LRIG1: variants seen among roughly 807,000 people sequenced by gnomAD.
LRIG1 encodes leucine-rich repeats and immunoglobulin-like domains protein 1.
A neutral mutation model predicts 99.2 loss-of-function variants in LRIG1; 48 were observed. The observed-to-expected ratio is 0.48, with a 90% confidence interval of 0.38 to 0.62. LRIG1 has a LOEUF of 0.62. Ranked by LOEUF, LRIG1 falls within the 20% of genes least tolerant of loss-of-function variation. The pLI, the probability that LRIG1 is intolerant of heterozygous loss-of-function variation, is 0.00. For missense variants in LRIG1, 1,646 were observed against 1,434.4 expected (o/e 1.15, Z -2.38); for synonymous variants, 772 against 596.1 (o/e 1.29, Z -4.30).
At chr3:66,450,840 G>T (rs759472971) in intron 3 of LRIG1, among the ~76,000 whole-genome samples, 1 of 152,226 alleles carries the variant, frequency 6.6e-6, no homozygotes, top group Non-Finnish European at 1.5e-5. Context: ...AGAGAAAACT[G>T]TTGGACTCAT....
chr3:66,476,615 C>A (rs538374126), intron 1 of LRIG1, among the ~76,000 whole-genome samples: 1 of 152,148 alleles, frequency 6.6e-6, no homozygotes, highest in Non-Finnish European at 1.5e-5. Context: ...CCTCTTCCTG[C>A]GAGACACACT....
intron 1 of LRIG1, among the ~76,000 whole-genome samples, chr3:66,478,665 G>GTCTA (rs554639847): frequency 8.3e-4 from 126 of 152,228 alleles, no homozygotes; most frequent in African/African-American, 3.0e-3. Context: ...TATCTCACTT[G>GTCTA]TCTATAGGCA....
intron 3 of LRIG1, among the ~76,000 whole-genome samples, chr3:66,447,664 C>T (rs1703771121): frequency 1.3e-5 from 2 of 152,278 alleles, no homozygotes; most frequent in African/African-American, 4.8e-5. Context: ...TAATATGCTA[C>T]AGTCCATGCA....
intron 1 of LRIG1, among the ~76,000 whole-genome samples, chr3:66,486,078 C>T (rs1195565675): frequency 6.6e-6 from 1 of 152,172 alleles, no homozygotes; most frequent in Non-Finnish European, 1.5e-5. Flanking sequence ...ATGTATACAA[C>T]AGAGACAATA....
chr3:66,429,720 T>C (rs950330422), intron 3 of LRIG1, among the ~76,000 whole-genome samples: 4 of 152,000 alleles, frequency 2.6e-5, no homozygotes, highest in African/African-American at 4.8e-5. Context: ...TGGATCGATA[T>C]TGACTCATCA....
At chr3:66,438,151 G>A (rs534787308) in intron 3 of LRIG1, among the ~76,000 whole-genome samples, 2 of 152,308 alleles carry the variant, frequency 1.3e-5, no homozygotes, top group East Asian at 3.9e-4. Flanking sequence ...CCCCTGTAGA[G>A]ATGAGATGCA....
intron 9 of LRIG1, among the ~76,000 whole-genome samples, chr3:66,401,133 C>A (rs1372855656): frequency 6.6e-6 from 1 of 152,226 alleles, no homozygotes. Context: ...TTCTTTCAGG[C>A]CGTCTGCATG....
At chr3:66,462,389 A>G in intron 2 of LRIG1, 49 bp downstream of exon 2, 1 of 1,420,138 alleles carries the variant, frequency 7.0e-7, no homozygotes, top group African/African-American at 1.4e-5. Context: ...GGATTTTCCC[A>G]AAGAGCTCTC....
At chr3:66,410,508 C>G (rs9872721) in intron 6 of LRIG1, among the ~76,000 whole-genome samples, 23,261 of 152,182 alleles carry the variant, frequency 0.15, 3,067 homozygotes, top group East Asian at 0.72. Context: ...GTTCATAGGG[C>G]AAGAGGGAGC....
Position 66,380,391 on chromosome 3 carries a change from C to T in LRIG1, c.3154G>A (p.Ala1052Thr). Residue 1052 changes from alanine to threonine, a missense_variant, in exon 19 of 19, where the codon GCC becomes ACC. Physicochemically the swap from Ala to Thr is moderately conservative, Grantham distance 58. Transcript: ENST00000273261. ...CCATTGGAAACAAGCAAGTACTGGG[C>T]TTCCGCGCGCTCTGGACTGCCTGAA... ...LTSGSPERAE[A>T]QYLLVSNGHL... 6.2e-7 allele frequency: 1 copy of T among 1,614,204 alleles called. No homozygotes were observed. The highest frequency in any genetic ancestry group is 8.5e-7 in the Non-Finnish European group (1 of 1,180,032).
chr3:66,440,374 AC>A (rs1266766296), intron 3 of LRIG1, among the ~76,000 whole-genome samples: 2 of 152,062 alleles, frequency 1.3e-5, no homozygotes, highest in Non-Finnish European at 2.9e-5. Context: ...TGCTGCACCT[AC>A]CCCAGGTAGA....
Position 66,395,085 on chromosome 3 carries a change from A to C in LRIG1, c.1305-882T>G, listed in dbSNP as rs146670951. 4.6e-5 allele frequency among the ~76,000 whole-genome samples: 7 copies of C among 152,310 alleles called. No homozygotes were observed. The East Asian group carries it at 1.3e-3, about 29-fold the overall frequency. On this transcript the variant is annotated intron_variant, in intron 11 of 18. Transcript: ENST00000273261. ...GTCACTTGAAGATAAGTCAACCAAG[A>C]GTCTAGCTGCCTTGTTCCTGGAAGA...
At chr3:66,384,789 C>T (rs1017815722) in intron 13 of LRIG1, among the ~76,000 whole-genome samples, 5 of 152,196 alleles carry the variant, frequency 3.3e-5, no homozygotes, top group Admixed American at 2.0e-4. Flanking sequence ...TATACCCAGG[C>T]AGGAAGCATT....
intron 3 of LRIG1, among the ~76,000 whole-genome samples, chr3:66,427,355 T>C (rs1276071460): frequency 2.0e-5 from 3 of 152,264 alleles, no homozygotes; most frequent in Non-Finnish European, 4.4e-5. Flanking sequence ...TGTGAGACTA[T>C]CTGAGACCCT....
At chr3:66,381,948 C>T (rs1293977802) in intron 16 of LRIG1, among the ~76,000 whole-genome samples, 1 of 150,502 alleles carries the variant, frequency 6.6e-6, no homozygotes, top group African/African-American at 2.5e-5. Flanking sequence ...CAGACCTGGG[C>T]ACGTTCCCCA....
At chr3:66,442,448 GGGAGGAGGAGGAGGA>G (rs138317719) in intron 3 of LRIG1, among the ~76,000 whole-genome samples, 1 of 151,550 alleles carries the variant, frequency 6.6e-6, no homozygotes, top group African/African-American at 2.4e-5. Flanking sequence ...AGTGAGGAGG[GGGAGGAGGAGGAGGA>G]GGAGGAGGAG....
chr3:66,420,491 CAA>C (rs1465228444), intron 3 of LRIG1, among the ~76,000 whole-genome samples: 1 of 152,296 alleles, frequency 6.6e-6, no homozygotes, highest in East Asian at 1.9e-4. Context: ...AAGCAGACCT[CAA>C]AGAGACATGT....
intron 2 of LRIG1, 144 bp from the exon 3 acceptor site, chr3:66,451,777 A>T (rs985869524): frequency 1.6e-6 from 1 of 636,622 alleles, no homozygotes; most frequent in African/African-American, 1.9e-5. Flanking sequence ...AGAATTTAGC[A>T]GTGAGTTTTT....
In LRIG1 at chr3:66,399,035, CAG is replaced by C; in HGVS notation, c.1165_1166del (p.Leu389ValfsTer10). On this transcript the variant is annotated frameshift_variant, in exon 10 of 19. Coordinates refer to ENST00000273261, the MANE Select transcript of LRIG1 (RefSeq NM_015541.3). LOFTEE classifies it high-confidence loss of function. The stretch of plus-strand genomic sequence containing the variant: ...CCACAGACTTGATCTTGTTTCCAAA[CAG>C]AGTCCTGTAGTTTCCAAACATCCAG... ...SGLDSLSKLT[L>X]FGNKIKSVAK... The C allele has an allele frequency of 6.2e-7, 1 of 1,614,002 alleles. No homozygotes were observed. Among genetic ancestry groups the C allele is most frequent in the Non-Finnish European group, 8.5e-7 (1 of 1,179,890 alleles).
Sources: allele counts gnomAD v4.1 joint callset (sites outside exome capture counted in the v4.1 genomes callset), GRCh38; gene constraint gnomAD v4.1.1; transcripts MANE v1.5; gene names NCBI Gene and HGNC (gene_info 2026-07-23, HGNC 2026-07-21).